Variants in SGCZ observed in about 807,000 individuals in gnomAD.
SGCZ encodes the protein zeta-sarcoglycan.
Under a neutral mutation model 41.3 loss-of-function variants are expected in SGCZ, and 40 were observed. The observed-to-expected ratio is 0.97, with a 90% CI of 0.75 to 1.26. The LOEUF is 1.26. SGCZ is among the 50% of genes most tolerant of loss of function. SGCZ has a pLI of 0.00. For missense variants in SGCZ, 552 were observed against 369.8 expected, an observed-to-expected ratio of 1.49 and a Z score of -4.04; for synonymous variants, 206 against 137.5, an observed-to-expected ratio of 1.50 and a Z score of -3.49.
intron 2 of SGCZ, among the ~76,000 whole-genome samples, chr8:14,380,518 C>T (rs192139323): frequency 6.6e-6 from 1 of 152,132 alleles, no homozygotes; most frequent in Non-Finnish European, 1.5e-5. Context: ...TTGCCTTTTA[C>T]TCTCATCTAA....
intron 1 of SGCZ, among the ~76,000 whole-genome samples, chr8:14,966,666 C>A (rs1403163326): frequency 6.6e-6 from 1 of 151,932 alleles, no homozygotes; most frequent in African/African-American, 2.4e-5. Context: ...ACCAGATTAA[C>A]AACAAAAAAG....
intron 1 of SGCZ, among the ~76,000 whole-genome samples, chr8:15,112,657 C>T (rs1199673082): frequency 1.3e-5 from 2 of 152,156 alleles, no homozygotes; most frequent in African/African-American, 2.4e-5. Flanking sequence ...GCCACCATGC[C>T]GTGAGGAAGT....
intron 2 of SGCZ, among the ~76,000 whole-genome samples, chr8:14,363,851 G>T (rs1016553233): frequency 6.6e-6 from 1 of 152,060 alleles, no homozygotes; most frequent in African/African-American, 2.4e-5. Context: ...TGCTCATGTT[G>T]ACAGATTTAT....
intron 1 of SGCZ, among the ~76,000 whole-genome samples, chr8:15,182,858 C>A (rs1312689944): frequency 6.6e-6 from 1 of 152,172 alleles, no homozygotes; most frequent in Admixed American, 6.5e-5. Context: ...CAGCTTAAAA[C>A]ACAAACACAT....
chr8:15,194,207 A>G (rs1192278334), intron 1 of SGCZ, among the ~76,000 whole-genome samples: 1 of 151,620 alleles, frequency 6.6e-6, no homozygotes, highest in East Asian at 1.9e-4. Context: ...ACACACACAC[A>G]CACACACACA....
At chr8:15,097,768 A>ATATATATATACGTG (rs1806406025) in intron 1 of SGCZ, among the ~76,000 whole-genome samples, 7 of 127,974 alleles carry the variant, frequency 5.5e-5, no homozygotes, top group African/African-American at 9.9e-5. Flanking sequence ...ATATGTGTTT[A>ATATATATATACGTG]TATATATATA....
chr8:14,460,511 A>C (rs1800871342), intron 2 of SGCZ, among the ~76,000 whole-genome samples: 1 of 152,226 alleles, frequency 6.6e-6, no homozygotes, highest in South Asian at 2.1e-4. Flanking sequence ...GTGCCCCAAA[A>C]TTACTTTAAA....
chr8:14,137,110 C>A (rs1428055725), intron 5 of SGCZ, among the ~76,000 whole-genome samples: 1 of 152,152 alleles, frequency 6.6e-6, no homozygotes, highest in Non-Finnish European at 1.5e-5. Flanking sequence ...AACCAACAAA[C>A]AGAAAGAAAG....
intron 7 of SGCZ, among the ~76,000 whole-genome samples, chr8:14,101,537 C>T (rs1431103150): frequency 6.6e-6 from 1 of 152,008 alleles, no homozygotes; most frequent in African/African-American, 2.4e-5. Context: ...AAGCAGACAG[C>T]AGGAGAAAAA....
intron 1 of SGCZ, among the ~76,000 whole-genome samples, chr8:14,713,799 G>A (rs181771868): frequency 2.7e-3 from 404 of 151,890 alleles, no homozygotes; most frequent in African/African-American, 7.2e-3. Flanking sequence ...TTGTCACTAA[G>A]ATTTTAAGTG....
chr8:14,891,248 C>G (rs932447480), intron 1 of SGCZ, among the ~76,000 whole-genome samples: 14 of 152,158 alleles, frequency 9.2e-5, no homozygotes, highest in Non-Finnish European at 1.6e-4. Context: ...AACTGAAAAC[C>G]TTCTGGAAAG....
chr8:14,218,187 T>G (rs1806066887), intron 4 of SGCZ, among the ~76,000 whole-genome samples: 1 of 152,216 alleles, frequency 6.6e-6, no homozygotes, highest in African/African-American at 2.4e-5. Context: ...TTTCAGATGA[T>G]ATAATCTTGT....
chr8:14,905,706 A>T (rs1466233957), intron 1 of SGCZ, among the ~76,000 whole-genome samples: 2 of 152,092 alleles, frequency 1.3e-5, no homozygotes, highest in Non-Finnish European at 2.9e-5. Context: ...GTAAGTGAAG[A>T]TATACATAGG....
chr8:14,818,116 AC>A (rs1406185290), intron 1 of SGCZ, among the ~76,000 whole-genome samples: 2 of 151,984 alleles, frequency 1.3e-5, no homozygotes, highest in Non-Finnish European at 2.9e-5. Context: ...TCTTGCAGTG[AC>A]CCCAACTCCC....
chr8:14,535,494 T>G (rs1489657262), intron 2 of SGCZ, among the ~76,000 whole-genome samples: 1 of 151,886 alleles, frequency 6.6e-6, no homozygotes, highest in African/African-American at 2.4e-5. Context: ...TTCCTCCTAT[T>G]TGCCCCACAC....
intron 1 of SGCZ, among the ~76,000 whole-genome samples, chr8:14,855,863 A>G (rs566579003): frequency 4.7e-4 from 71 of 152,254 alleles, no homozygotes; most frequent in African/African-American, 1.6e-3. Context: ...TTCACTTCTG[A>G]TGACTCACAA....
At chr8:14,832,934 C>T (rs757045030) in intron 1 of SGCZ, among the ~76,000 whole-genome samples, 20 of 151,934 alleles carry the variant, frequency 1.3e-4, no homozygotes, top group Non-Finnish European at 2.6e-4. Flanking sequence ...TGCATATATT[C>T]ATAATTCAAT....
intron 2 of SGCZ, among the ~76,000 whole-genome samples, chr8:14,326,238 G>T (rs1238264564): frequency 4.0e-5 from 6 of 151,894 alleles, no homozygotes; most frequent in African/African-American, 1.5e-4. Context: ...ATGTCAATGG[G>T]TTGGGAAAAT....
chr8:14,291,144 T>C (rs1800827426), intron 3 of SGCZ, among the ~76,000 whole-genome samples: 2 of 151,964 alleles, frequency 1.3e-5, no homozygotes, highest in African/African-American at 4.8e-5. Flanking sequence ...CAGAGTAAAA[T>C]AGCGGTTACC....
Sources: allele counts gnomAD v4.1 joint callset (sites outside exome capture counted in the v4.1 genomes callset), GRCh38; gene constraint gnomAD v4.1.1; transcripts MANE v1.5; gene names NCBI Gene and HGNC (gene_info 2026-07-23, HGNC 2026-07-21).